Variants in ATE1 observed in about 807,000 individuals in gnomAD.
ATE1 encodes the protein arginyl-tRNA--protein transferase 1.
Under a neutral mutation model 70.5 loss-of-function variants are expected in ATE1, and 36 were observed. The observed-to-expected ratio is 0.51, with a 90% CI of 0.39 to 0.67. ATE1 has a LOEUF of 0.67. Among genes scored for constraint, ATE1 ranks in the 30% least tolerant of loss-of-function variants. ATE1 has a pLI of 0.00. For synonymous variants in ATE1, 232 were observed against 219.3 expected (o/e 1.06, Z -0.51); for missense variants, 593 against 629.5 (o/e 0.94, Z 0.62).
Position 121,922,429 on chromosome 10 carries a change from G to A in ATE1, c.171-18C>T. 2 of 1,487,046 alleles carry A rather than the reference G, an allele frequency of 1.3e-6. No individual in the cohort carries two copies. The highest frequency in any genetic ancestry group is 1.9e-6 in the Non-Finnish European group (2 of 1,073,276). The allele number at this position is 1,487,046 out of a possible 1,614,324, so 92.1% of individuals were successfully genotyped here. ...TTCCACTTCTAAAATTATAAAAATA[G>A]TTTGTTAATGTCTTATATATTTTTC... On this transcript the variant is annotated intron_variant, in intron 2 of 11. Transcript: ENST00000224652.
At position 121,904,424 on chromosome 10, in the gene ATE1, G is replaced by C. The variant is rs1054555712; in HGVS notation, c.584-1804C>G. On this transcript the variant is annotated intron_variant, in intron 5 of 11. Coordinates refer to ENST00000224652, the MANE Select transcript of ATE1 (RefSeq NM_001001976.3). ...TGGGAGGCCGAGGCAGGCAGATCAC[G>C]AGGTCAGGAGATTGAGACCAACCTG... 2.0e-5 allele frequency among the ~76,000 whole-genome samples: 3 copies of C among 151,326 alleles called. No homozygotes were observed. The East Asian group carries it at 5.9e-4, about 30-fold the overall frequency.
intron 11 of ATE1, among the ~76,000 whole-genome samples, chr10:121,761,098 C>T (rs960283133): frequency 6.6e-6 from 1 of 152,192 alleles, no homozygotes; most frequent in African/African-American, 2.4e-5. Flanking sequence ...CTCTCTCTTG[C>T]TTCCTCTCTT....
intron 8 of ATE1, among the ~76,000 whole-genome samples, chr10:121,846,356 T>G (rs1041967504): frequency 5.3e-5 from 8 of 152,188 alleles, no homozygotes; most frequent in Non-Finnish European, 1.0e-4. Context: ...AAATCTCCCA[T>G]GCAGAAGAAT....
At chr10:121,771,759 C>G (rs902393900) in intron 11 of ATE1, among the ~76,000 whole-genome samples, 4 of 152,100 alleles carry the variant, frequency 2.6e-5, no homozygotes, top group Non-Finnish European at 4.4e-5. Flanking sequence ...TATCTGCTCT[C>G]AAAATGTGGA....
In ATE1 at chr10:121,902,571, G is replaced by T; in HGVS notation, c.633C>A (p.Ile211=). ...SKPPCRKAKE[I]RKERKRLKLM... ...GTTTTAACCTTTTCCTTTCTTTCCG[G>T]ATTTCCTTTGCTTTTCGACATGGAG... Residue 211 remains isoleucine (I), a synonymous_variant, in exon 6 of 12, where the codon ATC becomes ATA. Transcript: ENST00000224652. 6.2e-7 allele frequency: 1 copy of T among 1,613,936 alleles called. No individual in the cohort carries two copies.
In ATE1 at chr10:121,811,258, A is replaced by C. The variant is rs1291892095; in HGVS notation, c.1258-20969T>G. Among the ~76,000 whole-genome samples, 5 of 152,344 alleles carry C rather than the reference A, an allele frequency of 3.3e-5. No individual in the cohort carries two copies. In the East Asian group the frequency reaches 9.6e-4, roughly 29 times the overall value. On this transcript the variant is annotated intron_variant, in intron 10 of 11. Transcript: ENST00000224652. ...TGTAAGTATATAAACATACATTCAC[A>C]TATCTGTATATAAACAGGGAGAGAG...
At chr10:121,910,626 C>T (rs946461093) in intron 5 of ATE1, among the ~76,000 whole-genome samples, 5 of 151,406 alleles carry the variant, frequency 3.3e-5, no homozygotes, top group African/African-American at 1.2e-4. Context: ...AAATTTGATT[C>T]TCAACCCTGT....
chr10:121,809,882 AAAAAC>A (rs1158932811), intron 10 of ATE1, among the ~76,000 whole-genome samples: 4 of 152,062 alleles, frequency 2.6e-5, no homozygotes, highest in East Asian at 1.9e-4. Flanking sequence ...GAAAGCCACA[AAAAAC>A]AAAACAAAAC....
chr10:121,920,854 C>T (rs370704401), intron 3 of ATE1, among the ~76,000 whole-genome samples: 52 of 151,774 alleles, frequency 3.4e-4, no homozygotes, highest in Middle Eastern at 6.8e-3. Context: ...ATTAGCCGGG[C>T]GTGGTGGCAG....
At chr10:121,782,537 A>C (rs9887993) in intron 11 of ATE1, 144,617 of 152,302 alleles carry the variant, frequency 0.95, 68,855 homozygotes, top group Non-Finnish European at 0.98. Flanking sequence ...ACATCACACA[A>C]ATTTTTTAAA....
At chr10:121,803,979 C>T (rs1462091210) in intron 10 of ATE1, among the ~76,000 whole-genome samples, 1 of 152,188 alleles carries the variant, frequency 6.6e-6, no homozygotes, top group African/African-American at 2.4e-5. Context: ...GTAGAATTTA[C>T]ATCCTGTCCC....
chr10:121,900,030 C>A, intron 6 of ATE1, 36 bp from the exon 7 acceptor site: 3 of 1,607,644 alleles, frequency 1.9e-6, no homozygotes, highest in South Asian at 2.2e-5. Flanking sequence ...TTTACTAATT[C>A]ATTCATTTAT....
chr10:121,859,968 A>G (rs965805401), intron 8 of ATE1, among the ~76,000 whole-genome samples: 1 of 152,222 alleles, frequency 6.6e-6, no homozygotes, highest in Admixed American at 6.5e-5. Context: ...TTTTATAAAA[A>G]AGACTTGCTT....
intron 11 of ATE1, among the ~76,000 whole-genome samples, chr10:121,748,244 C>T (rs1291315933): frequency 6.6e-6 from 1 of 152,124 alleles, no homozygotes; most frequent in African/African-American, 2.4e-5. Context: ...TCTGATATGT[C>T]ATTTTATCTA....
upstream of ATE1, chr10:121,928,413 A>G (rs1478791906): frequency 2.6e-6 from 4 of 1,524,270 alleles, no homozygotes; most frequent in East Asian, 8.1e-5. Context: ...AGGCCCTTGT[A>G]TTCCACCACC....
chr10:121,801,576 T>C (rs1194269387), intron 10 of ATE1, among the ~76,000 whole-genome samples: 1 of 152,208 alleles, frequency 6.6e-6, no homozygotes, highest in Non-Finnish European at 1.5e-5. Context: ...AGAAAAACTC[T>C]AAGCCTCTTT....
chr10:121,859,088 T>A (rs1216981670), intron 8 of ATE1, among the ~76,000 whole-genome samples: 2 of 151,092 alleles, frequency 1.3e-5, no homozygotes, highest in African/African-American at 4.9e-5. Flanking sequence ...AGAGCAAAAC[T>A]CCGTCTCCAA....
intron 9 of ATE1, among the ~76,000 whole-genome samples, chr10:121,840,572 T>C (rs1174827129): frequency 6.6e-6 from 1 of 152,002 alleles, no homozygotes; most frequent in Non-Finnish European, 1.5e-5. Context: ...AATAAATGTA[T>C]AAACAACAAA....
intron 9 of ATE1, among the ~76,000 whole-genome samples, chr10:121,840,126 T>G (rs987128345): frequency 6.6e-6 from 1 of 152,094 alleles, no homozygotes; most frequent in Admixed American, 6.5e-5. Flanking sequence ...GGAGGAAGAC[T>G]CCAATCTTCT....
Sources: gnomAD v4.1 joint callset for allele counts (sites outside exome capture counted in the v4.1 genomes callset) on GRCh38, gnomAD v4.1.1 for gene constraint, MANE v1.5 for transcripts, NCBI Gene and HGNC (gene_info 2026-07-23, HGNC 2026-07-21) for gene names.